Variants in MUC7 observed in about 807,000 individuals in gnomAD.
The protein encoded by MUC7 is mucin-7.
In MUC7, 2 loss-of-function variants were observed where a neutral mutation model predicts 2.5. That is an observed-to-expected ratio of 0.81 (90% CI 0.33 to 2.55). MUC7 has a LOEUF of 2.55. Among genes scored for constraint, MUC7 ranks in the 30% most tolerant of loss-of-function variants. MUC7 has a pLI of 0.11. For missense variants in MUC7, 408 were observed against 455.6 expected, an observed-to-expected ratio of 0.90 and a Z score of 0.95; for synonymous variants, 133 against 173.4, an observed-to-expected ratio of 0.77 and a Z score of 1.83.
chr4:70,472,625 A>C (rs904731600), intron 1 of MUC7, among the ~76,000 whole-genome samples: 3 of 152,200 alleles, frequency 2.0e-5, no homozygotes, highest in African/African-American at 7.2e-5. Flanking sequence ...ATTATGGATA[A>C]GACATTATTC....
chr4:70,454,263 T>C (rs566401997), intron 1 of MUC7, among the ~76,000 whole-genome samples: 3 of 152,310 alleles, frequency 2.0e-5, no homozygotes, highest in Admixed American at 2.0e-4. Context: ...TTCAAGTTTA[T>C]TTAGAACCAC....
chr4:70,471,523 G>A (rs186051541), upstream of MUC7, among the ~76,000 whole-genome samples: 1 of 152,268 alleles, frequency 6.6e-6, no homozygotes, highest in Admixed American at 6.5e-5. Flanking sequence ...GAGAGTAGCT[G>A]TTACAATTTC....
intron 1 of MUC7, among the ~76,000 whole-genome samples, chr4:70,436,529 T>C (rs548424357): frequency 8.1e-4 from 124 of 152,236 alleles, no homozygotes; most frequent in Non-Finnish European, 1.4e-3. Context: ...AAAGTTCTCA[T>C]GCTGTGGTTT....
At chr4:70,430,807 GTTC>G (rs1207495215) in intron 1 of MUC7, 1 of 152,070 alleles carries the variant, frequency 6.6e-6, no homozygotes, top group African/African-American at 2.4e-5. Context: ...ATTTCTAAAT[GTTC>G]TTCTAGATTA....
upstream of MUC7, among the ~76,000 whole-genome samples, chr4:70,471,433 T>C (rs1056078837): frequency 6.6e-6 from 1 of 152,178 alleles, no homozygotes; most frequent in Admixed American, 6.5e-5. Context: ...TTAGATTATA[T>C]GTTTGAATTA....
intron 1 of MUC7, among the ~76,000 whole-genome samples, chr4:70,457,361 T>C (rs749458789): frequency 1.3e-5 from 2 of 152,080 alleles, no homozygotes; most frequent in Non-Finnish European, 2.9e-5. Flanking sequence ...GGAGAATCGC[T>C]TGAGGCCAGG....
intron 1 of MUC7, among the ~76,000 whole-genome samples, chr4:70,445,667 C>A (rs1278249227): frequency 2.0e-5 from 3 of 152,102 alleles, no homozygotes; most frequent in Non-Finnish European, 4.4e-5. Context: ...TAAATCCCAA[C>A]CCAGTCTGAG....
chr4:70,481,639 G>T lies in MUC7; in HGVS notation c.895G>T (p.Ala299Ser). 6.2e-7 allele frequency: 1 copy of T among 1,613,234 alleles called. No individual in the cohort carries two copies. Among genetic ancestry groups the T allele is most frequent in the Non-Finnish European group, 8.5e-7 (1 of 1,179,722 alleles). Residue 299 changes from alanine to serine, a missense_variant, in exon 3 of 3, where the codon GCT (alanine) becomes TCT (serine). This residue lies in a region of MUC7 where 175 missense variants were observed against 187.1 expected (regional missense o/e 0.94). Transcript: ENST00000304887. ...TACACCAGCTCCACCGTCTTCCCCA[G>T]CTCCACAAGAGACCACAGCTGCCCC... ...ATTPAPPSSP[A>S]PQETTAAPIT...
intron 1 of MUC7, among the ~76,000 whole-genome samples, chr4:70,435,523 AC>A: frequency 6.6e-6 from 1 of 152,234 alleles, no homozygotes; most frequent in East Asian, 1.9e-4. Context: ...TAGGATTGCA[AC>A]CCCTGCTTTT....
rs945884256 is a variant in MUC7, at chr4:70,458,806, T to C, written c.-92-13409T>C. Among the ~76,000 whole-genome samples, 4 of 151,790 alleles carry C rather than the reference T, an allele frequency of 2.6e-5. No homozygotes were observed. In the South Asian group the frequency reaches 8.4e-4, roughly 32 times the overall value. ...AACTGCATGCTATTTGCTAGAAACA[T>C]GATTATAAGAAAAACAGACAAAGTT... is the stretch of plus-strand genomic sequence containing the variant. On this transcript the variant is annotated intron_variant, in intron 1 of 3. Transcript: ENST00000413702.
chr4:70,473,918 C>T, intron 1 of MUC7, 89 bp from the exon 2 acceptor site: 5 of 970,042 alleles, frequency 5.2e-6, no homozygotes, highest in Admixed American at 2.0e-5. Flanking sequence ...TTTGCCTGTA[C>T]TTTCTAATAA....
At position 70,472,856 on chromosome 4, in the gene MUC7, C is replaced by A. The variant is rs41327345; in HGVS notation, c.-16+565C>A. Among the ~76,000 whole-genome samples, 758 of 152,278 alleles carry A rather than the reference C, an allele frequency of 5.0e-3. 3 individuals carry two copies. Among genetic ancestry groups the A allele is most frequent in the Non-Finnish European group, 7.7e-3 (525 of 68,028 alleles). On this transcript the variant is annotated intron_variant, in intron 1 of 2. Transcript: ENST00000304887. ...TCTCACAGCCCACCACATTGACATG[C>A]ACACTAATTACCTGCCCTAATATGT...
intron 2 of MUC7, among the ~76,000 whole-genome samples, chr4:70,479,941 A>G (rs1324175441): frequency 1.3e-5 from 2 of 152,208 alleles, no homozygotes; most frequent in African/African-American, 2.4e-5. Context: ...AGGCGGCCTT[A>G]GGAATTACAG....
upstream of MUC7, among the ~76,000 whole-genome samples, chr4:70,467,978 C>T (rs1734723373): frequency 1.3e-5 from 2 of 152,144 alleles, no homozygotes; most frequent in African/African-American, 4.8e-5. Context: ...AGACCAATAT[C>T]CCTGATGAAC....
intron 2 of MUC7, among the ~76,000 whole-genome samples, chr4:70,475,149 G>A (rs1036583599): frequency 1.3e-5 from 2 of 151,948 alleles, no homozygotes; most frequent in Non-Finnish European, 2.9e-5. Context: ...TGTGGTGGTG[G>A]GCACCTGTAA....
rs1734623798 is a variant in MUC7, at chr4:70,464,140, C to T, written c.-92-8075C>T. On this transcript the variant is annotated intron_variant, in intron 1 of 3. Coordinates refer to the MUC7 transcript ENST00000413702. ...TGGGGCGTCACCTTGCTGGGAAGTG[C>T]AAGGGATTGGAAACTCCCTCCCCTA... Among the ~76,000 whole-genome samples, 3 of 152,162 alleles carry T rather than the reference C, an allele frequency of 2.0e-5. No homozygotes were observed. The South Asian group carries it at 6.2e-4, about 32-fold the overall frequency.
At chr4:70,469,253 A>C (rs1734765815), upstream of MUC7, among the ~76,000 whole-genome samples, 1 of 152,230 alleles carries the variant, frequency 6.6e-6, no homozygotes, top group South Asian at 2.1e-4. Flanking sequence ...TACAAAAATT[A>C]ACTCAAGATG....
intron 1 of MUC7, among the ~76,000 whole-genome samples, chr4:70,472,711 T>C (rs1734868088): frequency 6.6e-6 from 1 of 152,154 alleles, no homozygotes; most frequent in Non-Finnish European, 1.5e-5. Context: ...TGCAACTCAC[T>C]CAAAGTCATG....
In MUC7 at chr4:70,481,797, T is replaced by G. The variant is rs756370367; in HGVS notation, c.1053T>G (p.Pro351=). Residue 351 remains proline (P), a synonymous_variant, in exon 3 of 3, where the codon CCT becomes CCG. Transcript: ENST00000304887. Reference sequence around the variant, plus strand: ...CTACTAAACAACCAACTTCAGCTCCTGGCCAAAATAAAATTTCTCGATTTC... The same window carrying G: ...CTACTAAACAACCAACTTCAGCTCCGGGCCAAAATAAAATTTCTCGATTTC... The part of the protein sequence containing the change: ...TTTTKQPTSA[P]GQNKISRFLL... 7.4e-6 allele frequency: 12 copies of G among 1,614,180 alleles called. No homozygotes were observed. The highest frequency in any genetic ancestry group is 1.6e-4 in the Middle Eastern group (1 of 6,062).
Sources: gnomAD v4.1 joint callset for allele counts (sites outside exome capture counted in the v4.1 genomes callset) on GRCh38, gnomAD v4.1.1 for gene constraint, gnomAD v4.1.1 regional missense constraint, MANE v1.5 for transcripts, NCBI Gene and HGNC (gene_info 2026-07-23, HGNC 2026-07-21) for gene names.